The following RADIL variants were observed in gnomAD, a reference collection of about 807,000 sequenced individuals.
RADIL encodes ras-associating and dilute domain-containing protein.
Under a neutral mutation model 97.6 loss-of-function variants are expected in RADIL, and 99 were observed. That is an observed-to-expected ratio of 1.01 (90% CI 0.86 to 1.20). RADIL has a LOEUF of 1.20. Among genes scored for constraint, RADIL ranks in the 50% most tolerant of loss-of-function variants. RADIL has a pLI of 0.00. For synonymous variants in RADIL, 803 were observed against 691.8 expected (o/e 1.16, Z -2.52); for missense variants, 1,765 against 1,498.9 (o/e 1.18, Z -2.93).
chr7:4,841,542 C>T (rs1783439485), intron 2 of RADIL, among the ~76,000 whole-genome samples: 1 of 152,204 alleles, frequency 6.6e-6, no homozygotes, highest in Non-Finnish European at 1.5e-5. Flanking sequence ...TCAGTTCCTG[C>T]AGAGGAAGCC....
In RADIL at chr7:4,849,019, T is replaced by C. The variant is rs972967758; in HGVS notation, c.536-12414A>G. Among the ~76,000 whole-genome samples the C allele has an allele frequency of 2.6e-5, 4 of 151,752 alleles. No homozygotes were observed. Among genetic ancestry groups the C allele is most frequent in the Non-Finnish European group, 5.9e-5 (4 of 67,986 alleles). Reference sequence around the variant, plus strand: ...CGGGCGTGGTGGCATATGCCTGTAATCCCAGCTACTCGAGAGACTGAAGCA... The same window carrying C: ...CGGGCGTGGTGGCATATGCCTGTAACCCCAGCTACTCGAGAGACTGAAGCA... On this transcript the variant is annotated intron_variant, in intron 2 of 14. Coordinates refer to ENST00000399583, the MANE Select transcript of RADIL (RefSeq NM_018059.5). The surrounding 1 kb of genome is among the most constrained non-coding windows in gnomAD (Gnocchi z 5.4).
rs1784459414 is a variant in RADIL at position 4,880,369 on chromosome 7, C to G, written c.-64-2166G>C. On this transcript the variant is annotated intron_variant, in intron 1 of 14. Transcript: ENST00000399583. The surrounding 1 kb of genome is among the most constrained non-coding windows in gnomAD (Gnocchi z 4.5). ...AACAAAAGCATTTTCAGACAGTGCT[C>G]ACATCACAAACGTGCGGCCTGGCCT... Among the ~76,000 whole-genome samples, 1 of 152,200 alleles carries G rather than the reference C, an allele frequency of 6.6e-6. No individual in the cohort carries two copies. The highest frequency in any genetic ancestry group is 6.5e-5 in the Admixed American group (1 of 15,280).
rs1782034189 is a variant in RADIL at position 4,800,183 on chromosome 7, C to A, written c.2970G>T (p.Leu990=). 9 of 1,608,892 alleles carry A rather than the reference C, an allele frequency of 5.6e-6. No individual in the cohort carries two copies. The highest frequency in any genetic ancestry group is 6.8e-6 in the Non-Finnish European group (8 of 1,178,700). ...ERGPSGLGMG[L]IDGMHTHLGA... ...CTGGGCCACTCACCATCCCGTCGATCAGGCCCATCCCCAGCCCGGAGGGGC... is the reference window on the plus strand; with the variant it reads ...CTGGGCCACTCACCATCCCGTCGATAAGGCCCATCCCCAGCCCGGAGGGGC... Residue 990 remains leucine (L), a synonymous_variant, in exon 13 of 15, where the codon CTG becomes CTT. Coordinates refer to ENST00000399583, the MANE Select transcript of RADIL (RefSeq NM_018059.5).
chr7:4,858,942 A>T (rs1395723028), intron 2 of RADIL: 2 of 152,224 alleles, frequency 1.3e-5, no homozygotes, highest in Non-Finnish European at 2.9e-5. Context: ...AGGACAAGAG[A>T]ATATGGAGCT....
rs1041407596 is a variant in RADIL at position 4,834,408 on chromosome 7, C to G, written c.1416+199G>C. ...CAGGGGCAAAGGGCTGCAGCTGACA[C>G]CTTGGGTTCTGGGGCTGCTTCTGGT... is the stretch of plus-strand genomic sequence containing the variant. On this transcript the variant is annotated intron_variant, in intron 4 of 14. Transcript: ENST00000399583. This position sits in a 1 kb window ranked among gnomAD's most constrained non-coding sequence, Gnocchi z 6.0. 2.0e-5 allele frequency among the ~76,000 whole-genome samples: 3 copies of G among 152,170 alleles called. No individual in the cohort carries two copies. Among genetic ancestry groups the G allele is most frequent in the African/African-American group, 4.8e-5 (2 of 41,430 alleles).
At chr7:4,860,181 T>C (rs1279852166) in intron 2 of RADIL, 1 of 1,614,028 alleles carries the variant, frequency 6.2e-7, no homozygotes, top group East Asian at 2.2e-5. Context: ...GGGCCTGTCT[T>C]CATAGTGCTA....
chr7:4,865,648 T>G, intron 2 of RADIL: 1 of 917,372 alleles, frequency 1.1e-6, no homozygotes, highest in South Asian at 1.3e-5. Flanking sequence ...GGTTCCCAGC[T>G]TTTCCATTCA....
At chr7:4,876,359 G>C (rs1784376279) in intron 2 of RADIL, among the ~76,000 whole-genome samples, 1 of 151,942 alleles carries the variant, frequency 6.6e-6, no homozygotes, top group African/African-American at 2.4e-5. Flanking sequence ...GGAGAGCAAT[G>C]GCATGATCTC....
intron 2 of RADIL, 61 bp downstream of exon 2, chr7:4,877,544 C>T: frequency 1.3e-6 from 2 of 1,523,710 alleles, no homozygotes; most frequent in Non-Finnish European, 1.8e-6. Flanking sequence ...CTCCGCCTAC[C>T]TCGGCTGGCC....
chr7:4,806,947 CG>C (rs1782329002), intron 9 of RADIL, among the ~76,000 whole-genome samples: 1 of 152,178 alleles, frequency 6.6e-6, no homozygotes, highest in South Asian at 2.1e-4. Context: ...CTGCACCCAT[CG>C]TCCTGCAGCC....
Position 4,814,411 on chromosome 7 carries a change from C to T in RADIL, c.2139+867G>A, listed in dbSNP as rs1271516422. On this transcript the variant is annotated intron_variant, in intron 9 of 14. Transcript: ENST00000399583. The surrounding 1 kb of genome is among the most constrained non-coding windows in gnomAD (Gnocchi z 4.5). ...TCGGCTCACTGCAACCTCTGCCTCG[C>T]GGGTTCAAGCGATTCGCCCTGTGGC... Among the ~76,000 whole-genome samples the T allele has an allele frequency of 2.0e-5, 3 of 152,082 alleles. No homozygotes were observed. The highest frequency in any genetic ancestry group is 4.8e-5 in the African/African-American group (2 of 41,384).
chr7:4,873,793 C>A lies in RADIL; in HGVS notation c.535+3812G>T, dbSNP rs549820130. ...GGCTGCTGGAAGGCGCAGAGCTCAC[C>A]ATCACCGGAGGTATGTAATGGAGAG... On this transcript the variant is annotated intron_variant, in intron 2 of 14. Transcript: ENST00000399583. This position sits in a 1 kb window ranked among gnomAD's most constrained non-coding sequence, Gnocchi z 4.3. 2.6e-5 allele frequency among the ~76,000 whole-genome samples: 4 copies of A among 152,354 alleles called. No individual in the cohort carries two copies. The South Asian group carries it at 8.3e-4, about 32-fold the overall frequency.
At position 4,799,120 on chromosome 7, in the gene RADIL, T is replaced by G; in HGVS notation, c.*258A>C. 1 of 483,008 alleles carries G rather than the reference T, an allele frequency of 2.1e-6. No individual in the cohort carries two copies. The highest frequency in any genetic ancestry group is 3.8e-6 in the Non-Finnish European group (1 of 265,994). 29.9% of individuals were successfully genotyped at this position (483,008 alleles called of 1,614,324 possible). ...GGGCACCCTCTAAGAACGGGAAAAA[T>G]AGTTTATTGAACCGTACTTCTCCAT... On this transcript the variant is annotated 3_prime_UTR_variant, in exon 15 of 15. Transcript: ENST00000399583.
intron 2 of RADIL, chr7:4,865,791 C>A: frequency 1.1e-6 from 1 of 894,860 alleles, no homozygotes; most frequent in Non-Finnish European, 1.9e-6. Context: ...CAAGGTTTTT[C>A]ACAGGAGCCA....
chr7:4,814,170 C>A lies in RADIL; in HGVS notation c.2139+1108G>T, dbSNP rs189553134. On this transcript the variant is annotated intron_variant, in intron 9 of 14. Transcript: ENST00000399583. This position sits in a 1 kb window ranked among gnomAD's most constrained non-coding sequence, Gnocchi z 4.5. ...TGCTTTTGCCTCCTCTAGATTTTAT[C>A]CTCATGGGTTTGTGGCATTAAAAAG... Among the ~76,000 whole-genome samples the A allele has an allele frequency of 1.3e-5, 2 of 152,136 alleles. No individual in the cohort carries two copies. Among genetic ancestry groups the A allele is most frequent in the Non-Finnish European group, 2.9e-5 (2 of 68,026 alleles).
In RADIL at chr7:4,877,810, G is replaced by A. The variant is rs575762308; in HGVS notation, c.330C>T (p.Tyr110=). 13 of 1,609,740 alleles carry A rather than the reference G, an allele frequency of 8.1e-6. No individual in the cohort carries two copies. Among genetic ancestry groups the A allele is most frequent in the African/African-American group, 4.0e-5 (3 of 74,948 alleles). ...CTTGGCCCACCACGTCACACAGCAC[G>A]TACTGGCCGGCCTGCCTGGGGTCCA... ...YALDPRQAGQ[Y]VLCDVVGQAG... Residue 110 remains tyrosine (Y), a synonymous_variant, in exon 2 of 15, where the codon TAC becomes TAT. Transcript: ENST00000399583.
chr7:4,808,435 G>A (rs1050667353), intron 9 of RADIL, among the ~76,000 whole-genome samples: 9 of 151,962 alleles, frequency 5.9e-5, no homozygotes, highest in African/African-American at 9.7e-5. Flanking sequence ...TCCTTGAATT[G>A]TCTGTTTCAG....
intron 4 of RADIL, among the ~76,000 whole-genome samples, chr7:4,833,133 C>G (rs567982223): frequency 1.3e-5 from 2 of 152,264 alleles, no homozygotes; most frequent in South Asian, 4.1e-4. Flanking sequence ...CAGCGAGCCC[C>G]AGGTGGCTGG....
chr7:4,843,842 G>A (rs1783503997), intron 2 of RADIL, among the ~76,000 whole-genome samples: 1 of 149,168 alleles, frequency 6.7e-6, no homozygotes, highest in South Asian at 2.1e-4. Flanking sequence ...AACCCATAAG[G>A]CGGAGGTTGC....
Sources: allele counts gnomAD v4.1 joint callset (sites outside exome capture counted in the v4.1 genomes callset), GRCh38; gene constraint gnomAD v4.1.1; non-coding constraint Gnocchi (gnomAD v3.1); transcripts MANE v1.5; gene names NCBI Gene and HGNC (gene_info 2026-07-23, HGNC 2026-07-21).